The following RNF169 variants were observed in gnomAD, a reference collection of about 807,000 sequenced individuals.
RNF169 encodes E3 ubiquitin-protein ligase RNF169.
In RNF169, 24 loss-of-function variants were observed where a neutral mutation model predicts 53.9. The observed-to-expected ratio is 0.45, with a 90% CI of 0.32 to 0.63. The LOEUF is 0.63. RNF169 is among the 20% of genes least tolerant of loss of function. The pLI is 0.04. For missense variants in RNF169, 883 were observed against 906.2 expected, an observed-to-expected ratio of 0.97 and a Z score of 0.33; for synonymous variants, 396 against 363.5, an observed-to-expected ratio of 1.09 and a Z score of -1.02.
chr11:74,816,316 T>C (rs528577297), intron 3 of RNF169, among the ~76,000 whole-genome samples: 31 of 152,354 alleles, frequency 2.0e-4, no homozygotes, highest in African/African-American at 7.5e-4. Flanking sequence ...TTTAAAAAGA[T>C]GGTCACTTGC....
chr11:74,811,993 T>C lies in RNF169; in HGVS notation c.723+1663T>C, dbSNP rs544233599. ...ACCCAGAAGGATAAACTAGCCTTGATAGAGAGAGCTGACCCTTAACTATGG... is the reference window on the plus strand; with the variant it reads ...ACCCAGAAGGATAAACTAGCCTTGACAGAGAGAGCTGACCCTTAACTATGG... On this transcript the variant is annotated intron_variant, in intron 3 of 5. Transcript: ENST00000299563. 3.9e-5 allele frequency among the ~76,000 whole-genome samples: 6 copies of C among 152,222 alleles called. No homozygotes were observed. The South Asian group carries it at 1.2e-3, about 31-fold the overall frequency.
chr11:74,821,016 C>G (rs1037310740), intron 4 of RNF169, among the ~76,000 whole-genome samples: 20 of 152,206 alleles, frequency 1.3e-4, no homozygotes, highest in Non-Finnish European at 2.8e-4. Flanking sequence ...GTGACTCACC[C>G]AAGAACCTCT....
At chr11:74,769,318 C>T (rs1276601830) in intron 1 of RNF169, among the ~76,000 whole-genome samples, 1 of 152,056 alleles carries the variant, frequency 6.6e-6, no homozygotes, top group Non-Finnish European at 1.5e-5. Context: ...CAGTGATATG[C>T]CATCAGACTG....
rs554177085 is a variant in RNF169, at chr11:74,823,086, T to C, written c.842+5372T>C. ...CTCCTTCCCTGACCAAATGCTACAA[T>C]AACAACAATAATATTATCTGGGTAT... On this transcript the variant is annotated intron_variant, in intron 4 of 5. Coordinates refer to ENST00000299563, the MANE Select transcript of RNF169 (RefSeq NM_001098638.2). Among the ~76,000 whole-genome samples, 168 of 152,306 alleles carry C rather than the reference T, an allele frequency of 1.1e-3. 1 individual carries two copies. Among genetic ancestry groups the C allele is most frequent in the Non-Finnish European group, 1.7e-3 (117 of 68,026 alleles).
intron 1 of RNF169, among the ~76,000 whole-genome samples, chr11:74,755,622 A>G (rs911294571): frequency 1.3e-5 from 2 of 152,244 alleles, no homozygotes; most frequent in Non-Finnish European, 2.9e-5. Context: ...AGACAATGCT[A>G]ACAGAGTAGA....
chr11:74,802,726 C>T (rs953191751), intron 2 of RNF169, among the ~76,000 whole-genome samples: 1 of 152,088 alleles, frequency 6.6e-6, no homozygotes, highest in Admixed American at 6.5e-5. Context: ...ATAGTCTCAG[C>T]ACTAAAAAAT....
chr11:74,828,397 G>GT (rs2036129804), intron 4 of RNF169, among the ~76,000 whole-genome samples: 1 of 152,134 alleles, frequency 6.6e-6, no homozygotes, highest in Admixed American at 6.5e-5. Flanking sequence ...TAAAATGGCT[G>GT]TACTGCCCAA....
intron 4 of RNF169, chr11:74,831,488 TAAA>T (rs2036176898): frequency 6.6e-6 from 1 of 152,086 alleles, no homozygotes; most frequent in Non-Finnish European, 1.5e-5. Flanking sequence ...TGAAAGAAAT[TAAA>T]GAAGATCTAA....
chr11:74,785,264 TTA>T (rs2035482308), intron 1 of RNF169, among the ~76,000 whole-genome samples: 2 of 142,968 alleles, frequency 1.4e-5, no homozygotes, highest in Non-Finnish European at 1.5e-5. Context: ...GATATATATG[TTA>T]TATATATTAG....
chr11:74,787,113 G>T (rs1188439481), intron 1 of RNF169, among the ~76,000 whole-genome samples: 3 of 152,126 alleles, frequency 2.0e-5, no homozygotes, highest in Non-Finnish European at 2.9e-5. Flanking sequence ...TCTACCAGAA[G>T]AAAATATGAT....
chr11:74,799,696 T>A lies in RNF169; in HGVS notation c.576+9997T>A, dbSNP rs574299879. Among the ~76,000 whole-genome samples, 159 of 152,242 alleles carry A rather than the reference T, an allele frequency of 1.0e-3. 1 individual carries two copies. Among genetic ancestry groups the A allele is most frequent in the African/African-American group, 3.8e-3 (157 of 41,562 alleles). ...GTCTCTAGTATAAAATAAAATATTT[T>A]GTTAAAATATGTAATGAGTGAAGCT... On this transcript the variant is annotated intron_variant, in intron 2 of 5. Coordinates refer to ENST00000299563, the MANE Select transcript of RNF169 (RefSeq NM_001098638.2).
chr11:74,836,038 G>A lies in RNF169; in HGVS notation c.1435G>A (p.Ala479Thr), dbSNP rs1565189777. The A allele has an allele frequency of 1.2e-6, 2 of 1,614,062 alleles. No homozygotes were observed. Among genetic ancestry groups the A allele is most frequent in the Admixed American group, 1.7e-5 (1 of 60,014 alleles). Residue 479 changes from alanine to threonine, a missense_variant, in exon 6 of 6, where the codon GCT becomes ACT. Physicochemically the swap from Ala to Thr is moderately conservative, Grantham distance 58. Around this residue, in one of 3 missense-constraint regions of RNF169, gnomAD observed 351 missense variants for 337.3 expected, o/e 1.04. Coordinates refer to ENST00000299563, the MANE Select transcript of RNF169 (RefSeq NM_001098638.2). ...IHSSKEKPLV[A>T]VNTRLSGGQV... ...TTCTAGCAAGGAGAAGCCACTTGTG[G>A]CTGTAAATACAAGATTATCTGGTGG...
chr11:74,749,640 A>G (rs2034855956), intron 1 of RNF169, among the ~76,000 whole-genome samples: 1 of 152,030 alleles, frequency 6.6e-6, no homozygotes, highest in African/African-American at 2.4e-5. Context: ...AGGGAAACAG[A>G]ATTGTTGGAA....
intron 2 of RNF169, among the ~76,000 whole-genome samples, chr11:74,790,064 T>C (rs545775174): frequency 1.3e-5 from 2 of 152,328 alleles, no homozygotes; most frequent in South Asian, 4.1e-4. Flanking sequence ...ATGTAGCTGG[T>C]GTTATCCATT....
chr11:74,773,981 C>A (rs1250820879), intron 1 of RNF169, among the ~76,000 whole-genome samples: 1 of 152,170 alleles, frequency 6.6e-6, no homozygotes, highest in African/African-American at 2.4e-5. Context: ...ATATTTGTGC[C>A]AAGCACTCTG....
chr11:74,814,697 TG>T (rs556734729), intron 3 of RNF169, among the ~76,000 whole-genome samples: 62 of 152,266 alleles, frequency 4.1e-4, no homozygotes, highest in African/African-American at 1.4e-3. Context: ...GGCCTGTTTT[TG>T]TGTGTGTAAA....
At chr11:74,790,496 CTG>C (rs1242863643) in intron 2 of RNF169, among the ~76,000 whole-genome samples, 1 of 152,242 alleles carries the variant, frequency 6.6e-6, no homozygotes, top group South Asian at 2.1e-4. Context: ...CTGGAAACCT[CTG>C]TGGCTGGTGG....
chr11:74,764,564 GAAA>G (rs2035143278), intron 1 of RNF169, among the ~76,000 whole-genome samples: 1 of 152,092 alleles, frequency 6.6e-6, no homozygotes, highest in African/African-American at 2.4e-5. Flanking sequence ...TTTCAGACAG[GAAA>G]AAGAGAATTT....
chr11:74,778,035 A>C (rs1440759065), intron 1 of RNF169, among the ~76,000 whole-genome samples: 2 of 152,004 alleles, frequency 1.3e-5, no homozygotes, highest in African/African-American at 4.8e-5. Flanking sequence ...TCTCCTTCCC[A>C]GCCCTGTTCT....
Sources: allele counts gnomAD v4.1 joint callset (sites outside exome capture counted in the v4.1 genomes callset), GRCh38; gene constraint gnomAD v4.1.1; regional missense constraint gnomAD v4.1.1; transcripts MANE v1.5; gene names NCBI Gene and HGNC (gene_info 2026-07-23, HGNC 2026-07-21).